RBFOX1: variants seen among roughly 807,000 people sequenced by gnomAD.
RBFOX1 encodes RNA binding fox-1 homolog 1, also known as RNA binding protein fox-1 homolog 1.
In RBFOX1, 8 loss-of-function variants were observed where a neutral mutation model predicts 57.7. That is an observed-to-expected ratio of 0.14 (90% CI 0.08 to 0.25). The LOEUF (loss-of-function observed/expected upper bound fraction) is 0.25. RBFOX1 is among the 10% of genes least tolerant of loss of function. RBFOX1 has a pLI of 1.00. For synonymous variants in RBFOX1, 326 were observed against 222.4 expected, an observed-to-expected ratio of 1.47 and a Z score of -4.15; for missense variants, 611 against 548.5, an observed-to-expected ratio of 1.11 and a Z score of -1.14.
chr16:6,948,854 C>G (rs1398147037), intron 3 of RBFOX1, among the ~76,000 whole-genome samples: 1 of 152,136 alleles, frequency 6.6e-6, no homozygotes, highest in Non-Finnish European at 1.5e-5. Flanking sequence ...AGTCTTCTGT[C>G]CGTCTATAAA....
intron 4 of RBFOX1, among the ~76,000 whole-genome samples, chr16:7,132,224 G>C (rs1481781761): frequency 6.6e-6 from 1 of 151,942 alleles, no homozygotes; most frequent in Non-Finnish European, 1.5e-5. Context: ...CGACTGATCT[G>C]CCTGTCTCGG....
chr16:6,680,643 T>C (rs555848414), intron 3 of RBFOX1, among the ~76,000 whole-genome samples: 2 of 152,332 alleles, frequency 1.3e-5, no homozygotes, highest in South Asian at 2.1e-4. Flanking sequence ...TTCAATTTTA[T>C]ACTCTTATTT....
chr16:7,516,791 T>G (rs2076453520), intron 4 of RBFOX1, among the ~76,000 whole-genome samples: 1 of 152,160 alleles, frequency 6.6e-6, no homozygotes, highest in African/African-American at 2.4e-5. Context: ...TAAGGTCCCT[T>G]CTAAACAAAT....
chr16:5,435,441 G>A (rs574132891), intron 1 of RBFOX1, among the ~76,000 whole-genome samples: 2 of 152,222 alleles, frequency 1.3e-5, no homozygotes, highest in East Asian at 3.9e-4. Context: ...CCTTCCCAAC[G>A]CCAACATGAG....
rs139493200 is a variant in RBFOX1, at chr16:7,430,889, G to C, written c.28-87258G>C. Among the ~76,000 whole-genome samples, 710 of 152,334 alleles carry C rather than the reference G, an allele frequency of 4.7e-3. 4 individuals are homozygous for C. The highest frequency in any genetic ancestry group is 0.016 in the African/African-American group (678 of 41,586). On this transcript the variant is annotated intron_variant, in intron 4 of 15. Coordinates refer to ENST00000550418, the MANE Select transcript of RBFOX1 (RefSeq NM_018723.4). ...ATGAATATTAAATAACGTGTATGAT[G>C]TGACTGGAAAAGAACCAGACGTAGG...
At chr16:7,520,228 T>G (rs2077243641) in intron 5 of RBFOX1, among the ~76,000 whole-genome samples, 1 of 152,170 alleles carries the variant, frequency 6.6e-6, no homozygotes, top group Non-Finnish European at 1.5e-5. Flanking sequence ...ATTCTGAAAT[T>G]TTTAGTTGCC....
At chr16:7,302,141 C>G (rs2096050440) in intron 4 of RBFOX1, among the ~76,000 whole-genome samples, 1 of 152,126 alleles carries the variant, frequency 6.6e-6, no homozygotes, top group African/African-American at 2.4e-5. Context: ...GTTAAACATG[C>G]TACTGTGTCC....
At chr16:5,821,191 T>TG (rs59199076) in intron 3 of RBFOX1, among the ~76,000 whole-genome samples, 5,109 of 152,078 alleles carry the variant, frequency 0.034, 132 homozygotes, top group South Asian at 0.11. Flanking sequence ...GGAGATAACA[T>TG]GGGGGGCTGC....
rs1412401025 is a variant in RBFOX1 at position 6,895,480 on chromosome 16, ATATATATT to A, written c.-15-156573_-15-156566del. The stretch of plus-strand genomic sequence containing the variant: ...TATATATATATATATATATATATAT[ATATATATT>A]TATTCCCCTATTGGATAACAAGCTG... On this transcript the variant is annotated intron_variant, in intron 3 of 15. Transcript: ENST00000550418. Among the ~76,000 whole-genome samples, 134 of 97,210 alleles carry A rather than the reference ATATATATT, an allele frequency of 1.4e-3. 1 individual carries two copies. Among genetic ancestry groups the A allele is most frequent in the African/African-American group, 4.4e-3 (104 of 23,696 alleles). The allele number at this position is 97,210 out of a possible 152,430, so 63.8% of individuals were successfully genotyped here.
chr16:6,939,511 T>C (rs72774210), intron 3 of RBFOX1, among the ~76,000 whole-genome samples: 14 of 64,978 alleles, frequency 2.2e-4, no homozygotes, highest in African/African-American at 6.2e-4. Flanking sequence ...TCTTTCTTTT[T>C]TTTTTTTTCT....
intron 3 of RBFOX1, among the ~76,000 whole-genome samples, chr16:5,723,262 A>T (rs1188042277): frequency 2.0e-5 from 3 of 152,206 alleles, no homozygotes; most frequent in Non-Finnish European, 4.4e-5. Flanking sequence ...CAAGGCAGGC[A>T]TTCACCAGAG....
chr16:6,581,455 G>C (rs1403746632), intron 2 of RBFOX1, among the ~76,000 whole-genome samples: 1 of 152,162 alleles, frequency 6.6e-6, no homozygotes, highest in Non-Finnish European at 1.5e-5. Context: ...GTTGGCTGTT[G>C]TTTTGGGAAA....
intron 4 of RBFOX1, among the ~76,000 whole-genome samples, chr16:7,195,361 G>C (rs1047670849): frequency 6.6e-6 from 1 of 152,150 alleles, no homozygotes; most frequent in African/African-American, 2.4e-5. Flanking sequence ...CAATGACCTG[G>C]TGTGCAAATT....
At chr16:6,395,434 T>G (rs1415545186) in intron 2 of RBFOX1, among the ~76,000 whole-genome samples, 2 of 152,196 alleles carry the variant, frequency 1.3e-5, no homozygotes, top group African/African-American at 4.8e-5. Context: ...CAAATGTTGT[T>G]TTAATGGCTC....
intron 2 of RBFOX1, among the ~76,000 whole-genome samples, chr16:6,635,860 A>G (rs958344814): frequency 6.6e-6 from 1 of 152,158 alleles, no homozygotes; most frequent in Non-Finnish European, 1.5e-5. Flanking sequence ...TTTTATTCAA[A>G]ATGTTCGAGA....
intron 1 of RBFOX1, among the ~76,000 whole-genome samples, chr16:6,060,700 T>C (rs1254911861): frequency 6.6e-6 from 1 of 152,170 alleles, no homozygotes; most frequent in Non-Finnish European, 1.5e-5. Context: ...CAAAATATCC[T>C]AGAAGGACTC....
At chr16:6,651,698 A>T (rs1341731359) in intron 2 of RBFOX1, among the ~76,000 whole-genome samples, 1 of 152,110 alleles carries the variant, frequency 6.6e-6, no homozygotes. Flanking sequence ...TGGCAATCTC[A>T]CTTCTGGGCA....
At chr16:5,425,098 T>C (rs1012220891) in intron 1 of RBFOX1, among the ~76,000 whole-genome samples, 5 of 148,120 alleles carry the variant, frequency 3.4e-5, no homozygotes, top group African/African-American at 1.3e-4. Context: ...TCTATCTATC[T>C]ATCTATCTAT....
intron 3 of RBFOX1, among the ~76,000 whole-genome samples, chr16:6,907,345 G>GT (rs1335551033): frequency 6.6e-6 from 1 of 152,154 alleles, no homozygotes; most frequent in African/African-American, 2.4e-5. Flanking sequence ...GAGAAACAGT[G>GT]TATCGAGCTG....
Sources: allele counts gnomAD v4.1 joint callset (sites outside exome capture counted in the v4.1 genomes callset), GRCh38; gene constraint gnomAD v4.1.1; transcripts MANE v1.5; gene names NCBI Gene and HGNC (gene_info 2026-07-23, HGNC 2026-07-21).